The following EDIL3 variants were observed in gnomAD, a reference collection of about 807,000 sequenced individuals.
EDIL3 encodes the protein EGF-like repeat and discoidin I-like domain-containing protein 3.
Under a neutral mutation model 67.4 loss-of-function variants are expected in EDIL3, and 37 were observed. The observed-to-expected ratio is 0.55, with a 90% confidence interval of 0.42 to 0.72. The LOEUF is 0.72. Among genes scored for constraint, EDIL3 ranks in the 30% least tolerant of loss-of-function variants. The probability of loss-of-function intolerance (pLI) is 0.00; values close to 1 mark genes in which losing one functional copy is unlikely to be tolerated. For missense variants in EDIL3, 527 were observed against 586.3 expected (o/e 0.90, Z 1.04); for synonymous variants, 195 against 196.3 (o/e 0.99, Z 0.05).
intron 1 of EDIL3, among the ~76,000 whole-genome samples, chr5:84,329,475 C>T (rs1746828744): frequency 6.6e-6 from 1 of 152,034 alleles, no homozygotes; most frequent in Admixed American, 6.6e-5. Context: ...TTATGAAAGA[C>T]TCTCACAGTT....
At chr5:84,087,087 A>G (rs1047668902) in intron 6 of EDIL3, among the ~76,000 whole-genome samples, 3 of 152,244 alleles carry the variant, frequency 2.0e-5, no homozygotes, top group African/African-American at 4.8e-5. Flanking sequence ...AGGTTGGGAA[A>G]TATATTTAGC....
intron 5 of EDIL3, among the ~76,000 whole-genome samples, chr5:84,114,365 A>G (rs1424903497): frequency 1.3e-5 from 2 of 152,076 alleles, no homozygotes; most frequent in African/African-American, 4.8e-5. Context: ...AAAAATGGCC[A>G]AAAAGTTTCC....
intron 2 of EDIL3, among the ~76,000 whole-genome samples, chr5:84,230,116 C>T (rs537599764): frequency 6.3e-4 from 96 of 151,954 alleles, no homozygotes; most frequent in African/African-American, 2.2e-3. Context: ...CATATGTGCT[C>T]CTATACTTTA....
chr5:84,222,825 T>G (rs2112401937), intron 3 of EDIL3, among the ~76,000 whole-genome samples: 1 of 151,940 alleles, frequency 6.6e-6, no homozygotes, highest in Middle Eastern at 3.4e-3. Flanking sequence ...TTAATTGGTT[T>G]ATTTAACTAT....
At chr5:84,007,641 G>C (rs1745441563) in intron 9 of EDIL3, among the ~76,000 whole-genome samples, 1 of 152,120 alleles carries the variant, frequency 6.6e-6, no homozygotes, top group Admixed American at 6.6e-5. Flanking sequence ...TGCTGGCAAG[G>C]TTGTGGAGAA....
chr5:84,136,877 G>A (rs942143307), intron 5 of EDIL3, among the ~76,000 whole-genome samples: 2 of 151,948 alleles, frequency 1.3e-5, no homozygotes, highest in Non-Finnish European at 2.9e-5. Context: ...GTGTCACTTT[G>A]GTGGTAGAAA....
Position 84,128,397 on chromosome 5 carries a change from A to T in EDIL3, c.469+8844T>A, listed in dbSNP as rs148267494. ...TAATTTCCCCATTGTGAAATAACCA[A>T]TTGAACCTCACTCTGACAGTCGGCC... On this transcript the variant is annotated intron_variant, in intron 5 of 10. Coordinates refer to ENST00000296591, the MANE Select transcript of EDIL3 (RefSeq NM_005711.5). Among the ~76,000 whole-genome samples the T allele has an allele frequency of 3.3e-3, 502 of 152,178 alleles. 5 individuals carry two copies. Among genetic ancestry groups the T allele is most frequent in the African/African-American group, 0.012 (481 of 41,544 alleles).
At chr5:84,091,058 C>T (rs939984943) in intron 6 of EDIL3, among the ~76,000 whole-genome samples, 4 of 152,048 alleles carry the variant, frequency 2.6e-5, no homozygotes, top group African/African-American at 9.7e-5. Context: ...TAACAGTGTC[C>T]ACTGCTCCCC....
At chr5:84,142,272 C>G (rs1748212963) in intron 4 of EDIL3, among the ~76,000 whole-genome samples, 3 of 151,964 alleles carry the variant, frequency 2.0e-5, no homozygotes, top group Admixed American at 6.6e-5. Context: ...GGCTTCTTCT[C>G]AGAGAATTAT....
chr5:84,012,831 C>G (rs1248507248), intron 9 of EDIL3, among the ~76,000 whole-genome samples: 1 of 151,880 alleles, frequency 6.6e-6, no homozygotes, highest in African/African-American at 2.4e-5. Context: ...ATGATTTAGT[C>G]TTTTTTTCCT....
At chr5:84,041,853 C>T (rs989623574) in intron 9 of EDIL3, among the ~76,000 whole-genome samples, 2 of 152,050 alleles carry the variant, frequency 1.3e-5, no homozygotes, top group African/African-American at 4.8e-5. Context: ...TCAAATCCTA[C>T]AGCTTTGGGG....
At chr5:84,198,384 G>C (rs1177649900) in intron 3 of EDIL3, among the ~76,000 whole-genome samples, 1 of 151,936 alleles carries the variant, frequency 6.6e-6, no homozygotes, top group Non-Finnish European at 1.5e-5. Context: ...CAAGACAGAT[G>C]TATTTTAAGA....
At chr5:84,074,177 C>T (rs1200854768) in intron 6 of EDIL3, among the ~76,000 whole-genome samples, 2 of 150,206 alleles carry the variant, frequency 1.3e-5, no homozygotes, top group Non-Finnish European at 3.0e-5. Flanking sequence ...CCCTTCCTTA[C>T]ACCTTATACA....
intron 6 of EDIL3, among the ~76,000 whole-genome samples, chr5:84,076,185 A>G (rs1746854098): frequency 6.6e-6 from 1 of 152,010 alleles, no homozygotes; most frequent in South Asian, 2.1e-4. Flanking sequence ...ACAGGTTCTC[A>G]TATTTGTTTC....
In EDIL3 at chr5:84,050,176, C is replaced by T. The variant is rs181906611; in HGVS notation, c.1137+10124G>A. ...TGGCGCCACTGCACTCCAGCCTGGG[C>T]GACAGAGCGAAACTCCATCTCAAAA... On this transcript the variant is annotated intron_variant, in intron 9 of 10. Transcript: ENST00000296591. Among the ~76,000 whole-genome samples, 582 of 113,350 alleles carry T rather than the reference C, an allele frequency of 5.1e-3. 7 individuals are homozygous for T. The highest frequency in any genetic ancestry group is 0.019 in the African/African-American group (533 of 28,732). 74.4% of individuals were successfully genotyped at this position (113,350 alleles called of 152,430 possible).
intron 5 of EDIL3, among the ~76,000 whole-genome samples, chr5:84,110,776 C>T: frequency 6.6e-6 from 1 of 152,124 alleles, no homozygotes; most frequent in Non-Finnish European, 1.5e-5. Flanking sequence ...TTATGTGAAG[C>T]ATACATACTT....
intron 10 of EDIL3, among the ~76,000 whole-genome samples, chr5:83,959,877 A>T (rs901194950): frequency 2.6e-5 from 4 of 151,046 alleles, no homozygotes; most frequent in African/African-American, 7.3e-5. Flanking sequence ...ATTGATATAT[A>T]TGTATATTTA....
intron 4 of EDIL3, among the ~76,000 whole-genome samples, chr5:84,177,550 A>G (rs1401658135): frequency 1.3e-5 from 2 of 152,174 alleles, no homozygotes; most frequent in African/African-American, 4.8e-5. Flanking sequence ...GAACTATACA[A>G]TACAAAGAGT....
At position 84,180,537 on chromosome 5, in the gene EDIL3, A is replaced by C. The variant is rs1324661100; in HGVS notation, c.227-16T>G. 1.3e-6 allele frequency: 2 copies of C among 1,550,004 alleles called. No homozygotes were observed. Among genetic ancestry groups the C allele is most frequent in the African/African-American group, 1.4e-5 (1 of 71,698 alleles). ...GTGCAGGGACCTGAAAGACAGAAAA[A>C]AATATTTCTGCTTGATGCATATTCT... is the stretch of plus-strand genomic sequence containing the variant. On this transcript the variant is annotated splice_polypyrimidine_tract_variant and intron_variant, in intron 3 of 10. Transcript: ENST00000296591.
Sources: allele counts gnomAD v4.1 joint callset (sites outside exome capture counted in the v4.1 genomes callset), GRCh38; gene constraint gnomAD v4.1.1; transcripts MANE v1.5; gene names NCBI Gene and HGNC (gene_info 2026-07-23, HGNC 2026-07-21).